Variants in STAB2 observed in about 807,000 individuals in gnomAD.
The protein encoded by STAB2 is stabilin 2, also known as stabilin-2.
In STAB2, 288 loss-of-function variants were observed where a neutral mutation model predicts 338.1. That is an observed-to-expected ratio of 0.85 (90% CI 0.77 to 0.94). The LOEUF (loss-of-function observed/expected upper bound fraction) is 0.94. Ranked by LOEUF, STAB2 falls within the 40% of genes least tolerant of loss-of-function variation. STAB2 has a pLI of 0.00. For missense variants in STAB2, 3,141 were observed against 3,210.1 expected (o/e 0.98, Z 0.52); for synonymous variants, 1,202 against 1,193.3 (o/e 1.01, Z -0.15).
intron 49 of STAB2, among the ~76,000 whole-genome samples, chr12:103,731,120 C>T (rs950556054): frequency 2.0e-5 from 3 of 152,070 alleles, no homozygotes; most frequent in Admixed American, 6.5e-5. Context: ...AACCTGATAA[C>T]CTTACCACCA....
At chr12:103,655,397 T>A in intron 14 of STAB2, 59 bp from the exon 15 acceptor site, 1 of 1,603,640 alleles carries the variant, frequency 6.2e-7, no homozygotes, top group Non-Finnish European at 8.5e-7. Flanking sequence ...TCTGGCGAAT[T>A]ATGTTAAATA....
intron 35 of STAB2, among the ~76,000 whole-genome samples, chr12:103,703,795 C>A (rs1019501532): frequency 8.5e-5 from 13 of 152,204 alleles, no homozygotes; most frequent in Non-Finnish European, 1.0e-4. Context: ...ATAATTATAA[C>A]CACTGACGTT....
intron 9 of STAB2, among the ~76,000 whole-genome samples, chr12:103,642,664 A>C (rs1387164782): frequency 6.6e-6 from 1 of 152,300 alleles, no homozygotes; most frequent in African/African-American, 2.4e-5. Flanking sequence ...TGGGCACTGC[A>C]TGTTAGAAGC....
At chr12:103,660,097 C>G (rs1874481153) in intron 15 of STAB2, among the ~76,000 whole-genome samples, 1 of 152,190 alleles carries the variant, frequency 6.6e-6, no homozygotes, top group African/African-American at 2.4e-5. Context: ...CCTCACACGG[C>G]TGTTGGGAGG....
intron 47 of STAB2, 129 bp downstream of exon 47, chr12:103,727,479 A>G: frequency 9.6e-7 from 1 of 1,046,250 alleles, no homozygotes; most frequent in Non-Finnish European, 1.5e-6. Context: ...CTCACCAGCA[A>G]TAGAAGGGGC....
intron 11 of STAB2, among the ~76,000 whole-genome samples, 191 bp downstream of exon 11, chr12:103,650,769 C>A (rs1036419564): frequency 6.6e-6 from 1 of 152,142 alleles, no homozygotes; most frequent in South Asian, 2.1e-4. Context: ...TGTAAGTGTA[C>A]AACTCAGTGA....
chr12:103,655,351 C>T, intron 14 of STAB2, 44 bp downstream of exon 14: 2 of 1,605,216 alleles, frequency 1.2e-6, no homozygotes, highest in Non-Finnish European at 1.7e-6. Context: ...TATGTCAAGA[C>T]TTTTGTAAAA....
At chr12:103,719,403 C>T (rs1018557040) in intron 44 of STAB2, among the ~76,000 whole-genome samples, 1 of 152,202 alleles carries the variant, frequency 6.6e-6, no homozygotes, top group Non-Finnish European at 1.5e-5. Flanking sequence ...TAACAAACTG[C>T]CACAAACTGG....
chr12:103,705,610 C>T (rs370343881), intron 36 of STAB2, 22 bp from the exon 37 acceptor site: 14 of 1,609,524 alleles, frequency 8.7e-6, no homozygotes, highest in South Asian at 4.4e-5. Flanking sequence ...TAGGAGCTGA[C>T]GTAGTCATTA....
intron 3 of STAB2, among the ~76,000 whole-genome samples, chr12:103,619,548 T>C (rs931269997): frequency 1.3e-5 from 2 of 152,170 alleles, no homozygotes; most frequent in African/African-American, 4.8e-5. Flanking sequence ...TTGGCACATA[T>C]TAGGATATTC....
Position 103,725,065 on chromosome 12 carries a change from G to A in STAB2, c.4774G>A (p.Gly1592Arg). Residue 1592 changes from glycine to arginine, a missense_variant, in exon 45 of 69, where the codon GGA (glycine) becomes AGA (arginine). Physicochemically the swap from Gly to Arg is moderately radical, Grantham distance 125. Transcript: ENST00000388887. ...CTCKPNYIGD[G>R]FTCRGSIYQE... ...TTGCAAGCCAAACTACATTGGAGAT[G>A]GATTTACCTGCCGCGGCAGCATTTA... 1.2e-6 allele frequency: 2 copies of A among 1,613,268 alleles called. No homozygotes were observed. The highest frequency in any genetic ancestry group is 1.7e-6 in the Non-Finnish European group (2 of 1,179,284).
At position 103,755,660 on chromosome 12, in the gene STAB2, G is replaced by A; in HGVS notation, c.6929G>A (p.Cys2310Tyr). ...KVGYVGDGFS[C>Y]SGNLLQVLMS... ...GGCTATGTGGGAGATGGCTTCTCAT[G>A]CAGTGGGAACCTGCTGCAGGTCCTG... is the stretch of plus-strand genomic sequence containing the variant. Residue 2310 changes from cysteine to tyrosine, a missense_variant, in exon 63 of 69, where the codon TGC (cysteine) becomes TAC (tyrosine). Transcript: ENST00000388887. The A allele has an allele frequency of 6.2e-7, 1 of 1,614,154 alleles. No individual in the cohort carries two copies. The highest frequency in any genetic ancestry group is 8.5e-7 in the Non-Finnish European group (1 of 1,180,036).
intron 53 of STAB2, among the ~76,000 whole-genome samples, chr12:103,738,656 T>C (rs546719161): frequency 1.6e-4 from 24 of 152,346 alleles, no homozygotes; most frequent in Admixed American, 3.9e-4. Flanking sequence ...ATTCCACACA[T>C]ATTTTTCATT....
intron 68 of STAB2, chr12:103,766,000 C>G: frequency 1.8e-6 from 1 of 565,274 alleles, no homozygotes; most frequent in Non-Finnish European, 3.3e-6. Flanking sequence ...CTCCTACCTC[C>G]CTGTGAGGTA....
chr12:103,755,051 G>A, intron 61 of STAB2: 1 of 475,134 alleles, frequency 2.1e-6, no homozygotes, highest in Non-Finnish European at 3.8e-6. Flanking sequence ...TTTCTCAAGA[G>A]CAGAGAGAAG....
Position 103,740,640 on chromosome 12 carries a change from A to G in STAB2, c.5765A>G (p.Gln1922Arg), listed in dbSNP as rs146455992. The change falls in exon 55 of 69, where the codon CAG becomes CGG. Residue 1922 changes from glutamine (Q) to arginine (R), a missense_variant. Coordinates refer to ENST00000388887, the MANE Select transcript of STAB2 (RefSeq NM_017564.10). The part of the protein sequence containing the change: ...PRWSKPKGVK[Q>R]KCLYNLPFKR... ...ACTCTCTTCCCTTAGGGTGTGAAGCAGAAGTGTCTCTACAACCTGCCCTTC... is the reference window on the plus strand; with the variant it reads ...ACTCTCTTCCCTTAGGGTGTGAAGCGGAAGTGTCTCTACAACCTGCCCTTC... The G allele has an allele frequency of 1.4e-4, 233 of 1,612,040 alleles. No individual in the cohort carries two copies. The highest frequency in any genetic ancestry group is 1.9e-4 in the Non-Finnish European group (223 of 1,179,220).
At chr12:103,607,388 TG>T (rs143694902) in intron 3 of STAB2, among the ~76,000 whole-genome samples, 42,772 of 111,482 alleles carry the variant, frequency 0.38, 7,079 homozygotes, top group East Asian at 0.55. Context: ...TTCTTTTTTC[TG>T]TTTTTTTTTA....
Position 103,753,314 on chromosome 12 carries a change from G to A in STAB2, c.6675G>A (p.Ala2225=), listed in dbSNP as rs144140599. 80 of 1,614,086 alleles carry A rather than the reference G, an allele frequency of 5.0e-5. No individual in the cohort carries two copies. In the African/African-American group the frequency reaches 8.9e-4, roughly 18 times the overall value. ...KAREACANEA[A]TMATYNQLSY... is the part of the protein sequence containing the mutation. ...GAGAGGCCTGTGCCAACGAAGCTGC[G>A]ACCATGGCAACCTACAACCAGCTCT... The change falls in exon 61 of 69, where the codon GCG becomes GCA. Residue 2225 remains alanine, a synonymous_variant. Transcript: ENST00000388887.
chr12:103,676,058 C>CTTTTT (rs35874368), intron 24 of STAB2, 37 bp downstream of exon 24: 728 of 668,966 alleles, frequency 1.1e-3, no homozygotes, highest in South Asian at 3.1e-3. Context: ...TGCCTGGTTT[C>CTTTTT]TTTTTTTTTT....
Sources: gnomAD v4.1 joint callset for allele counts (sites outside exome capture counted in the v4.1 genomes callset) on GRCh38, gnomAD v4.1.1 for gene constraint, MANE v1.5 for transcripts, NCBI Gene and HGNC (gene_info 2026-07-23, HGNC 2026-07-21) for gene names.